OTOF: variants seen among roughly 807,000 people sequenced by gnomAD.
OTOF encodes otoferlin, also known as fer-1-like family member 2.
Under a neutral mutation model 236.8 loss-of-function variants are expected in OTOF, and 218 were observed. The ratio of observed to expected loss-of-function variants is 0.92; its 90% CI spans 0.82 to 1.03. The LOEUF (loss-of-function observed/expected upper bound fraction) is 1.03. Ranked by LOEUF, OTOF falls within the 50% of genes least tolerant of loss-of-function variation. The pLI is 0.00. For synonymous variants in OTOF, 1,041 were observed against 1,072.5 expected, an observed-to-expected ratio of 0.97 and a Z score of 0.57; for missense variants, 2,590 against 2,694.4, an observed-to-expected ratio of 0.96 and a Z score of 0.86.
chr2:26,549,314 A>AT (rs546828031), intron 1 of OTOF, among the ~76,000 whole-genome samples: 2 of 152,144 alleles, frequency 1.3e-5, no homozygotes, highest in African/African-American at 2.4e-5. Flanking sequence ...TGTAATAACA[A>AT]TTTTTTTCCC....
At chr2:26,512,147 T>A (rs1666407212) in intron 5 of OTOF, among the ~76,000 whole-genome samples, 1 of 152,088 alleles carries the variant, frequency 6.6e-6, no homozygotes. Flanking sequence ...GAAGAGGGTT[T>A]GGGCAGCAGA....
chr2:26,476,855 G>A (rs1387944580), intron 22 of OTOF, 36 bp downstream of exon 22: 2 of 1,594,380 alleles, frequency 1.3e-6, no homozygotes, highest in Non-Finnish European at 8.5e-7. Flanking sequence ...CCCCTGAAAG[G>A]ACCCAGGCCC....
rs1228029688 is a variant in OTOF at position 26,470,982 on chromosome 2, CAT to C, written c.3894+137_3894+138del. On this transcript the variant is annotated intron_variant, in intron 31 of 46. Coordinates refer to ENST00000272371, the MANE Select transcript of OTOF (RefSeq NM_194248.3). This position sits in a 1 kb window ranked among gnomAD's most constrained non-coding sequence, Gnocchi z 4.3. ...GCACTCACCCAGCTCTTTTCCACTGCATCTTAGGGGAGGTGTGCTGGCCCAAG... is the reference window on the plus strand; with the variant it reads ...GCACTCACCCAGCTCTTTTCCACTGCCTTAGGGGAGGTGTGCTGGCCCAAG... 8.4e-7 allele frequency: 1 copy of C among 1,196,572 alleles called. No individual in the cohort carries two copies. The highest frequency in any genetic ancestry group is 1.2e-6 in the Non-Finnish European group (1 of 810,016). The allele number at this position is 1,196,572 out of a possible 1,614,324, so 74.1% of individuals were successfully genotyped here.
rs1665950777 is a variant in OTOF at position 26,495,147 on chromosome 2, G to A, written c.766-74C>T. On this transcript the variant is annotated intron_variant, in intron 8 of 46. Coordinates refer to ENST00000272371, the MANE Select transcript of OTOF (RefSeq NM_194248.3). ...GAGCCTGGTCCCGCAGGGGTCCAGG[G>A]GCTGGGGCAGCAGGGTCAGAGGGAG... is the stretch of plus-strand genomic sequence containing the variant. 6 of 1,556,354 alleles carry A rather than the reference G, an allele frequency of 3.9e-6. No individual in the cohort carries two copies. The East Asian group carries it at 6.8e-5, about 18-fold the overall frequency.
At position 26,474,959 on chromosome 2, in the gene OTOF, C is replaced by T. The variant is rs4328596; in HGVS notation, c.3127-285G>A. Among the ~76,000 whole-genome samples, 5,141 of 152,048 alleles carry T rather than the reference C, an allele frequency of 0.034. 134 individuals are homozygous for T. The highest frequency in any genetic ancestry group is 0.14 in the East Asian group (715 of 5,122). ...TGAGGTGGTATGTGAGAAGGTGGCTCGCTAACTCTCGGGGGTCACCCCAAT... is the reference window on the plus strand; with the variant it reads ...TGAGGTGGTATGTGAGAAGGTGGCTTGCTAACTCTCGGGGGTCACCCCAAT... On this transcript the variant is annotated intron_variant, in intron 25 of 46. Coordinates refer to ENST00000272371, the MANE Select transcript of OTOF (RefSeq NM_194248.3).
Position 26,461,566 on chromosome 2 carries a change from CT to C in OTOF, c.5533+129del, listed in dbSNP as rs199877130. 0.011 allele frequency: 14,464 copies of C among 1,317,386 alleles called. 162 individuals carry two copies. The highest frequency in any genetic ancestry group is 0.032 in the Middle Eastern group (142 of 4,468). The allele number at this position is 1,317,386 out of a possible 1,614,324, so 81.6% of individuals were successfully genotyped here. A position where few individuals can be genotyped will look rare whatever the true frequency, so the allele number is the denominator to read the frequency against. On this transcript the variant is annotated intron_variant, in intron 43 of 46. Transcript: ENST00000272371. This position sits in a 1 kb window ranked among gnomAD's most constrained non-coding sequence, Gnocchi z 6.2. The stretch of plus-strand genomic sequence containing the variant: ...GGGGGCGGAACCCCGTCGGACACCC[CT>C]GGCTCTGATGGACTGGAAGCAATGA...
At chr2:26,466,691 A>G in intron 36 of OTOF, 23 bp downstream of exon 36, 1 of 1,613,986 alleles carries the variant, frequency 6.2e-7, no homozygotes, top group Non-Finnish European at 8.5e-7. Flanking sequence ...ACTTGCAAGG[A>G]GGGAAAGCGA....
Position 26,474,148 on chromosome 2 carries a change from C to T in OTOF, c.3289-38G>A, listed in dbSNP as rs773326396. The stretch of plus-strand genomic sequence containing the variant: ...GGTCACAGGTCACACACTGGGGAGC[C>T]CAGGGACAGGGTCTCTTTCCCCATG... On this transcript the variant is annotated intron_variant, in intron 26 of 46. Coordinates refer to ENST00000272371, the MANE Select transcript of OTOF (RefSeq NM_194248.3). 16 of 1,611,868 alleles carry T rather than the reference C, an allele frequency of 9.9e-6. No homozygotes were observed. The African/African-American group carries it at 1.3e-4, about 13-fold the overall frequency.
At chr2:26,459,552 C>CAAAAAAA (rs58695074) in intron 46 of OTOF, among the ~76,000 whole-genome samples, 1 of 69,120 alleles carries the variant, frequency 1.4e-5, no homozygotes, top group African/African-American at 5.5e-5. Context: ...ACTCTGTCTC[C>CAAAAAAA]AAAAAAAAAA....
At chr2:26,504,492 A>G (rs1666200192) in intron 5 of OTOF, among the ~76,000 whole-genome samples, 1 of 152,096 alleles carries the variant, frequency 6.6e-6, no homozygotes, top group South Asian at 2.1e-4. Flanking sequence ...TTTCCCATCT[A>G]TCTTCGGTCC....
At chr2:26,513,960 C>G (rs963955403) in intron 5 of OTOF, among the ~76,000 whole-genome samples, 1 of 152,208 alleles carries the variant, frequency 6.6e-6, no homozygotes, top group African/African-American at 2.4e-5. Flanking sequence ...CTCACCTCAG[C>G]ACTCCTTGAC....
intron 12 of OTOF, 78 bp downstream of exon 12, chr2:26,484,396 A>G: frequency 6.6e-7 from 1 of 1,521,462 alleles, no homozygotes; most frequent in Non-Finnish European, 9.1e-7. Flanking sequence ...AGGTGCTCTC[A>G]GCAAACCCTC....
At chr2:26,468,496 A>T (rs1664837050) in intron 32 of OTOF, 22 bp from the exon 33 acceptor site, 1 of 1,608,800 alleles carries the variant, frequency 6.2e-7, no homozygotes, top group South Asian at 1.1e-5. Flanking sequence ...TGAGATGAAA[A>T]GGACAGAAGG....
At position 26,461,049 on chromosome 2, in the gene OTOF, C is replaced by A; in HGVS notation, c.5534-19G>T. ...ATGGCCCCTGTGGCAACCTCAGTGT[C>A]AGCTCAGAGTGAACAGGGCTGGGGT... On this transcript the variant is annotated intron_variant, in intron 43 of 46. Coordinates refer to ENST00000272371, the MANE Select transcript of OTOF (RefSeq NM_194248.3). The surrounding 1 kb of genome is among the most constrained non-coding windows in gnomAD (Gnocchi z 6.2). The A allele has an allele frequency of 6.5e-7, 1 of 1,533,658 alleles. No individual in the cohort carries two copies.
At chr2:26,547,671 A>G (rs1314427650) in intron 1 of OTOF, among the ~76,000 whole-genome samples, 1 of 152,056 alleles carries the variant, frequency 6.6e-6, no homozygotes, top group Non-Finnish European at 1.5e-5. Context: ...CCCTGTCTCT[A>G]CTAAAAATAC....
chr2:26,464,196 C>T, intron 39 of OTOF, 90 bp from the exon 40 acceptor site: 1 of 1,501,650 alleles, frequency 6.7e-7, no homozygotes, highest in Non-Finnish European at 9.2e-7. Context: ...ACAAAGAAGC[C>T]TCTATGCCAT....
chr2:26,497,089 CTTTTTTTTTTTTTTTTTTTT>C (rs201349303), intron 8 of OTOF, among the ~76,000 whole-genome samples: 1 of 97,758 alleles, frequency 1.0e-5, no homozygotes, highest in Non-Finnish European at 2.2e-5. Flanking sequence ...GTACATTCTT[CTTTTTTTTTTTTTTTTTTTT>C]TTTTTTTTTT....
intron 1 of OTOF, among the ~76,000 whole-genome samples, chr2:26,549,625 T>G (rs891723229): frequency 6.6e-6 from 1 of 152,194 alleles, no homozygotes; most frequent in African/African-American, 2.4e-5. Flanking sequence ...CCTCCACTCA[T>G]GTATTTCCCC....
In OTOF at chr2:26,527,683, C is replaced by T. The variant is rs1666841701; in HGVS notation, c.227+149G>A. On this transcript the variant is annotated intron_variant, in intron 3 of 46. Coordinates refer to ENST00000272371, the MANE Select transcript of OTOF (RefSeq NM_194248.3). ...ATCAAAATGGGGATCAAAGACCAGC[C>T]CAAGATTTCTTCGGTCTTTGAAGAT... 9 of 712,360 alleles carry T rather than the reference C, an allele frequency of 1.3e-5. No individual in the cohort carries two copies. In the South Asian group the frequency reaches 1.4e-4, roughly 11 times the overall value. The allele number at this position is 712,360 out of a possible 1,614,324, so 44.1% of individuals were successfully genotyped here.
Sources: allele counts gnomAD v4.1 joint callset (sites outside exome capture counted in the v4.1 genomes callset), GRCh38; gene constraint gnomAD v4.1.1; non-coding constraint Gnocchi (gnomAD v3.1); transcripts MANE v1.5; gene names NCBI Gene and HGNC (gene_info 2026-07-23, HGNC 2026-07-21).